TLK2: variants seen among roughly 807,000 people sequenced by gnomAD.
TLK2 encodes serine/threonine-protein kinase tousled-like 2.
In TLK2, 6 loss-of-function variants were observed where a neutral mutation model predicts 117.3. The ratio of observed to expected loss-of-function variants is 0.05; its 90% CI spans 0.03 to 0.10. The LOEUF (loss-of-function observed/expected upper bound fraction) is 0.10. Among genes scored for constraint, TLK2 ranks in the 10% least tolerant of loss-of-function variants. The probability of loss-of-function intolerance (pLI) is 1.00; values close to 1 mark genes in which losing one functional copy is unlikely to be tolerated. For missense variants in TLK2, 299 were observed against 901.2 expected, an observed-to-expected ratio of 0.33 and a Z score of 8.56; for synonymous variants, 257 against 316.7, an observed-to-expected ratio of 0.81 and a Z score of 2.00.
chr17:62,555,368 C>T (rs1470858221), intron 9 of TLK2, among the ~76,000 whole-genome samples: 1 of 152,064 alleles, frequency 6.6e-6, no homozygotes, highest in Admixed American at 6.6e-5. Context: ...TTAATGAAAA[C>T]ATAGGGTAAA....
chr17:62,534,765 TTTGTC>T (rs2076992386), intron 6 of TLK2, among the ~76,000 whole-genome samples: 1 of 152,006 alleles, frequency 6.6e-6, no homozygotes, highest in Non-Finnish European at 1.5e-5. Context: ...ATGTGTTACT[TTTGTC>T]TTGTTTTCTA....
At chr17:62,574,333 A>G in intron 12 of TLK2, 1 of 1,541,742 alleles carries the variant, frequency 6.5e-7, no homozygotes, top group Non-Finnish European at 8.7e-7. Flanking sequence ...TTAAATGCTT[A>G]TTTTATGCTA....
chr17:62,561,636 G>GA (rs947834433), intron 10 of TLK2, among the ~76,000 whole-genome samples: 4 of 152,192 alleles, frequency 2.6e-5, no homozygotes, highest in African/African-American at 9.7e-5. Flanking sequence ...AAAAAGACAG[G>GA]AAACACTGTC....
At chr17:62,475,389 G>A (rs1041472490), upstream of TLK2, among the ~76,000 whole-genome samples, 3 of 152,110 alleles carry the variant, frequency 2.0e-5, no homozygotes, top group Non-Finnish European at 4.4e-5. Flanking sequence ...TGTTGGCCAG[G>A]TGGACTGCAG....
At chr17:62,522,760 A>G (rs1436975387) in intron 4 of TLK2, among the ~76,000 whole-genome samples, 2 of 152,232 alleles carry the variant, frequency 1.3e-5, no homozygotes, top group Non-Finnish European at 2.9e-5. Flanking sequence ...AATCAAAGAA[A>G]GAAAAAATGG....
chr17:62,565,350 AAAAT>A (rs1215319592), intron 11 of TLK2, among the ~76,000 whole-genome samples: 5 of 152,178 alleles, frequency 3.3e-5, no homozygotes, highest in Admixed American at 2.6e-4. Flanking sequence ...TGAGTTCCAG[AAAAT>A]AAATAAAGTA....
At chr17:62,517,874 T>C (rs2075738672) in intron 2 of TLK2, among the ~76,000 whole-genome samples, 1 of 151,872 alleles carries the variant, frequency 6.6e-6, no homozygotes, top group South Asian at 2.1e-4. Flanking sequence ...TGTTTTGTAA[T>C]TTTAGTATAG....
intron 2 of TLK2, among the ~76,000 whole-genome samples, chr17:62,507,179 C>G (rs567860882): frequency 6.6e-6 from 1 of 151,696 alleles, no homozygotes; most frequent in East Asian, 1.9e-4. Flanking sequence ...GAGGCTGAGG[C>G]AGGAGAATCG....
chr17:62,564,089 T>C (rs1038718251), intron 10 of TLK2, among the ~76,000 whole-genome samples: 9 of 152,144 alleles, frequency 5.9e-5, no homozygotes, highest in African/African-American at 1.2e-4. Flanking sequence ...AAATGTGAGA[T>C]GCTGAACTCT....
rs1372293059 is a variant in TLK2 at position 62,479,249 on chromosome 17, C to T, written c.-47C>T. 9 of 162,928 alleles carry T rather than the reference C, an allele frequency of 5.5e-5. 1 individual carries two copies. The South Asian group carries it at 8.4e-4, about 15-fold the overall frequency. The allele number at this position is 162,928 out of a possible 1,614,324, so 10.1% of individuals were successfully genotyped here. ...TCCGCAGCCGGGTCGGGTCGGGGCCCCTCCCGGGAGGAGCGTGGAGCGGCG... is the reference window on the plus strand; with the variant it reads ...TCCGCAGCCGGGTCGGGTCGGGGCCTCTCCCGGGAGGAGCGTGGAGCGGCG... On this transcript the variant is annotated 5_prime_UTR_variant, in exon 1 of 22. Coordinates refer to ENST00000346027, the MANE Select transcript of TLK2 (RefSeq NM_006852.6).
chr17:62,611,753 A>G (rs559077641), intron 21 of TLK2, among the ~76,000 whole-genome samples: 1 of 152,376 alleles, frequency 6.6e-6, no homozygotes, highest in East Asian at 1.9e-4. Flanking sequence ...AAGGGCCTTT[A>G]TGCTAAGACT....
chr17:62,541,269 C>T (rs577630325), intron 7 of TLK2, among the ~76,000 whole-genome samples: 3 of 152,288 alleles, frequency 2.0e-5, no homozygotes, highest in Non-Finnish European at 4.4e-5. Context: ...GACTTCCCCC[C>T]ACTGGAATGT....
intron 2 of TLK2, among the ~76,000 whole-genome samples, chr17:62,514,579 C>CTT (rs779645456): frequency 3.7e-5 from 5 of 136,138 alleles, no homozygotes; most frequent in Non-Finnish European, 4.8e-5. Context: ...TCTTAACCTT[C>CTT]TTTTTTTTTT....
intron 17 of TLK2, among the ~76,000 whole-genome samples, chr17:62,598,674 G>A (rs1323894723): frequency 1.1e-4 from 16 of 151,864 alleles, no homozygotes; most frequent in African/African-American, 3.6e-4. Flanking sequence ...ACAGATGCAC[G>A]CCACCATGCC....
chr17:62,471,802 C>T (rs144884877), intron 1 of TLK2, among the ~76,000 whole-genome samples: 1 of 146,560 alleles, frequency 6.8e-6, no homozygotes, highest in East Asian at 2.1e-4. Flanking sequence ...GGAGCCCAGT[C>T]AAGAGCAGGA....
intron 16 of TLK2, among the ~76,000 whole-genome samples, chr17:62,588,099 G>A (rs994223471): frequency 2.8e-5 from 4 of 145,038 alleles, no homozygotes; most frequent in African/African-American, 5.1e-5. Context: ...GTATACATCT[G>A]TATATGTATA....
chr17:62,496,950 C>G lies in TLK2; in HGVS notation c.81+15744C>G, dbSNP rs1288977989. ...CCAGCCTGGGCAACAGAGTGAGACT[C>G]CATCTCAAAAAAAAAAAAAAAAAAA... On this transcript the variant is annotated intron_variant, in intron 2 of 21. Transcript: ENST00000346027. Among the ~76,000 whole-genome samples the G allele has an allele frequency of 1.4e-4, 20 of 144,966 alleles. No homozygotes were observed. The East Asian group carries it at 1.4e-3, about 10-fold the overall frequency.
In TLK2 at chr17:62,588,033, ATACATCTGTATATGTATAAAATATACG is replaced by A. The variant is rs1466552997; in HGVS notation, c.1460+1810_1460+1836del. On this transcript the variant is annotated intron_variant, in intron 16 of 21. Transcript: ENST00000346027. ...ATCTGTATATGTATAAAATATACGT[ATACATCTGTATATGTATAAAATATACG>A]TATACATCTGTATATGTATAAAATA... Among the ~76,000 whole-genome samples the A allele has an allele frequency of 1.2e-3, 165 of 136,050 alleles. 2 individuals carry two copies. Among genetic ancestry groups the A allele is most frequent in the Non-Finnish European group, 1.3e-3 (80 of 63,242 alleles). The allele number at this position is 136,050 out of a possible 152,430, so 89.3% of individuals were successfully genotyped here. A position where few individuals can be genotyped will look rare whatever the true frequency, so the allele number is the denominator to read the frequency against.
intron 15 of TLK2, among the ~76,000 whole-genome samples, chr17:62,585,058 T>C (rs1041410870): frequency 6.6e-6 from 1 of 152,214 alleles, no homozygotes; most frequent in Non-Finnish European, 1.5e-5. Flanking sequence ...AAGATTACTT[T>C]ATCAAATTAT....
Sources: allele counts gnomAD v4.1 joint callset (sites outside exome capture counted in the v4.1 genomes callset), GRCh38; gene constraint gnomAD v4.1.1; transcripts MANE v1.5; gene names NCBI Gene and HGNC (gene_info 2026-07-23, HGNC 2026-07-21).